The following ANKRD6 variants were observed in gnomAD, a reference collection of about 807,000 sequenced individuals.
ANKRD6 encodes ankyrin repeat domain-containing protein 6.
In ANKRD6, 56 loss-of-function variants were observed where a neutral mutation model predicts 82.3. The ratio of observed to expected loss-of-function variants is 0.68; its 90% CI spans 0.55 to 0.85. The LOEUF (loss-of-function observed/expected upper bound fraction) is 0.85. Among genes scored for constraint, ANKRD6 ranks in the 40% least tolerant of loss-of-function variants. ANKRD6 has a pLI of 0.00. For missense variants in ANKRD6, 852 were observed against 907.6 expected (o/e 0.94, Z 0.79); for synonymous variants, 347 against 352.1 (o/e 0.99, Z 0.16).
chr6:89,435,287 G>A (rs933431555), intron 1 of ANKRD6, among the ~76,000 whole-genome samples: 2 of 152,140 alleles, frequency 1.3e-5, no homozygotes, highest in African/African-American at 2.4e-5. Flanking sequence ...TCACCCGGCT[G>A]AAGAACTAGA....
chr6:89,577,239 A>G (rs1791316794), intron 2 of ANKRD6, among the ~76,000 whole-genome samples: 1 of 151,958 alleles, frequency 6.6e-6, no homozygotes, highest in African/African-American at 2.4e-5. Context: ...GGTCTTTGAC[A>G]TCCCTCCACT....
chr6:89,560,103 G>A (rs1037027628), intron 1 of ANKRD6, among the ~76,000 whole-genome samples: 29 of 152,156 alleles, frequency 1.9e-4, no homozygotes, highest in African/African-American at 7.0e-4. Flanking sequence ...ATATAACCAG[G>A]GAGACCAACC....
chr6:89,630,917 G>A lies in ANKRD6; in HGVS notation c.2097G>A (p.Gln699=). The A allele has an allele frequency of 6.2e-7, 1 of 1,611,366 alleles. No individual in the cohort carries two copies. The highest frequency in any genetic ancestry group is 2.2e-5 in the East Asian group (1 of 44,856). ...EARSQANQKA[Q]QDKATLKEHI... is the part of the protein sequence containing the mutation. ...GAAGCCAAGCCAATCAGAAAGCCCA[G>A]CAAGATAAGGCTACATTGAAGGAAC... The change falls in exon 16 of 16, where the codon CAG becomes CAA. Residue 699 remains glutamine, a synonymous_variant. Coordinates refer to ENST00000339746, the MANE Select transcript of ANKRD6 (RefSeq NM_001242809.2).
At chr6:89,531,355 CT>C (rs1346542936) in intron 1 of ANKRD6, among the ~76,000 whole-genome samples, 1 of 152,262 alleles carries the variant, frequency 6.6e-6, no homozygotes, top group Non-Finnish European at 1.5e-5. Context: ...CTAGCAAGTA[CT>C]TTCCTTGAAG....
At chr6:89,529,517 T>C (rs2127987756) in intron 1 of ANKRD6, among the ~76,000 whole-genome samples, 1 of 152,372 alleles carries the variant, frequency 6.6e-6, no homozygotes, top group African/African-American at 2.4e-5. Context: ...GCAATAAGGC[T>C]GTTTCACTTT....
intron 2 of ANKRD6, among the ~76,000 whole-genome samples, chr6:89,589,852 G>A (rs1391082783): frequency 6.6e-6 from 1 of 152,206 alleles, no homozygotes; most frequent in East Asian, 1.9e-4. Context: ...TTCCCTGGAA[G>A]CAAGGCCCTG....
chr6:89,480,668 G>A (rs1401454055), intron 1 of ANKRD6, among the ~76,000 whole-genome samples: 2 of 151,006 alleles, frequency 1.3e-5, no homozygotes, highest in Non-Finnish European at 2.9e-5. Flanking sequence ...AAGTTGGCTA[G>A]AAATAGTGGC....
At chr6:89,617,004 A>G in intron 8 of ANKRD6, 1 of 475,894 alleles carries the variant, frequency 2.1e-6, no homozygotes. Flanking sequence ...AAATGGCCAC[A>G]TGGCCCTCAG....
chr6:89,601,355 C>G (rs1178882345), intron 3 of ANKRD6, among the ~76,000 whole-genome samples: 1 of 152,074 alleles, frequency 6.6e-6, no homozygotes, highest in Non-Finnish European at 1.5e-5. Flanking sequence ...TCCTGACCCC[C>G]CCTCACTGCA....
At chr6:89,436,307 A>G (rs1770629896) in intron 1 of ANKRD6, among the ~76,000 whole-genome samples, 1 of 152,192 alleles carries the variant, frequency 6.6e-6, no homozygotes, top group African/African-American at 2.4e-5. Flanking sequence ...CTTTTATCAC[A>G]GCAGCCACAG....
rs35383752 is a variant in ANKRD6 at position 89,550,250 on chromosome 6, AT to A, written c.-143-16575del. ...TAAGAATATTGATAGCAGCACCACT[AT>A]TTTTTTTTAATACACAGAATGTAAG... On this transcript the variant is annotated intron_variant, in intron 1 of 15. Coordinates refer to ENST00000339746, the MANE Select transcript of ANKRD6 (RefSeq NM_001242809.2). Among the ~76,000 whole-genome samples the A allele has an allele frequency of 0.038, 5,805 of 151,456 alleles. 663 individuals carry two copies. In the East Asian group the frequency reaches 0.41, roughly 11 times the overall value.
chr6:89,609,388 G>A (rs1301049715), intron 5 of ANKRD6, among the ~76,000 whole-genome samples: 1 of 151,892 alleles, frequency 6.6e-6, no homozygotes, highest in African/African-American at 2.4e-5. Flanking sequence ...TGCAACCTCC[G>A]CCTCCCGGGT....
At chr6:89,619,720 A>C (rs954992035) in intron 9 of ANKRD6, 1 of 152,214 alleles carries the variant, frequency 6.6e-6, no homozygotes, top group African/African-American at 2.4e-5. Context: ...GATGTTACGC[A>C]TACTGTTCTC....
intron 7 of ANKRD6, among the ~76,000 whole-genome samples, chr6:89,615,366 C>A (rs1208080738): frequency 6.6e-6 from 1 of 152,150 alleles, no homozygotes; most frequent in South Asian, 2.1e-4. Context: ...CAGCCACTGA[C>A]CTAATCAAGT....
intron 9 of ANKRD6, chr6:89,619,454 G>A (rs969694299): frequency 3.9e-5 from 6 of 152,038 alleles, no homozygotes; most frequent in African/African-American, 9.7e-5. Context: ...AAAGATTGAC[G>A]GATCTTTAAT....
intron 1 of ANKRD6, among the ~76,000 whole-genome samples, chr6:89,544,308 A>T (rs1235189874): frequency 6.6e-6 from 1 of 152,224 alleles, no homozygotes; most frequent in Non-Finnish European, 1.5e-5. Context: ...CTGCCGGAAT[A>T]CTAAACTACA....
At chr6:89,551,453 G>T (rs926337766) in intron 1 of ANKRD6, among the ~76,000 whole-genome samples, 2 of 152,164 alleles carry the variant, frequency 1.3e-5, no homozygotes, top group Non-Finnish European at 2.9e-5. Flanking sequence ...CCAGGGCTTT[G>T]GGAGATCCCC....
intron 1 of ANKRD6, among the ~76,000 whole-genome samples, chr6:89,470,385 G>A (rs896139958): frequency 3.3e-5 from 5 of 152,174 alleles, no homozygotes; most frequent in Admixed American, 1.3e-4. Flanking sequence ...TTACTAGACC[G>A]AGGTGGGAGG....
intron 1 of ANKRD6, among the ~76,000 whole-genome samples, chr6:89,440,312 T>A (rs1771207899): frequency 6.6e-6 from 1 of 152,204 alleles, no homozygotes; most frequent in South Asian, 2.1e-4. Context: ...TCTTTAGCGA[T>A]GGCGAATTGT....
Sources: allele counts gnomAD v4.1 joint callset (sites outside exome capture counted in the v4.1 genomes callset), GRCh38; gene constraint gnomAD v4.1.1; transcripts MANE v1.5; gene names NCBI Gene and HGNC (gene_info 2026-07-23, HGNC 2026-07-21).